ALK: variants seen among roughly 807,000 people sequenced by gnomAD.
ALK encodes ALK receptor tyrosine kinase.
ALK carries 74 observed loss-of-function variants against 163.1 expected under a neutral mutation model. The ratio of observed to expected loss-of-function variants is 0.45; its 90% CI spans 0.38 to 0.55. The LOEUF (loss-of-function observed/expected upper bound fraction) is 0.55. Among genes scored for constraint, ALK ranks in the 20% least tolerant of loss-of-function variants. The pLI is 0.00. For missense variants in ALK, 2,063 were observed against 2,105.3 expected (o/e 0.98, Z 0.39); for synonymous variants, 960 against 843.2 (o/e 1.14, Z -2.40).
Position 29,214,805 on chromosome 2 carries a change from C to T in ALK, c.3646-724G>A, listed in dbSNP as rs558577605. Among the ~76,000 whole-genome samples the T allele has an allele frequency of 3.3e-5, 5 of 152,290 alleles. No homozygotes were observed. In the South Asian group the frequency reaches 8.3e-4, roughly 25 times the overall value. On this transcript the variant is annotated intron_variant, in intron 23 of 28. Coordinates refer to ENST00000389048, the MANE Select transcript of ALK (RefSeq NM_004304.5). The stretch of plus-strand genomic sequence containing the variant: ...TTAATTCCTAAATCCCTGACGTGTG[C>T]GGCAGCTCAGCTTCATGCAGTGTCC...
intron 3 of ALK, among the ~76,000 whole-genome samples, chr2:29,580,502 A>G (rs1329978520): frequency 6.6e-6 from 1 of 152,192 alleles, no homozygotes; most frequent in African/African-American, 2.4e-5. Context: ...CGGTTGACAT[A>G]ACCCCCATTT....
intron 1 of ALK, among the ~76,000 whole-genome samples, chr2:29,829,479 C>A (rs1665302269): frequency 6.6e-6 from 1 of 152,138 alleles, no homozygotes. Context: ...GAGAATGAGA[C>A]TTCCCTTACT....
chr2:29,588,971 C>T (rs193000402), intron 3 of ALK, among the ~76,000 whole-genome samples: 49 of 152,240 alleles, frequency 3.2e-4, no homozygotes, highest in Non-Finnish European at 6.0e-4. Context: ...CGCTCCCCTC[C>T]GGGGGCTGGT....
intron 27 of ALK, 135 bp from the exon 28 acceptor site, chr2:29,196,995 G>C: frequency 1.4e-6 from 1 of 706,198 alleles, no homozygotes; most frequent in Non-Finnish European, 2.5e-6. Context: ...GGCCTATGCT[G>C]CCCCCTGCTG....
chr2:29,529,253 C>T (rs1673051954), intron 4 of ALK, among the ~76,000 whole-genome samples: 1 of 152,206 alleles, frequency 6.6e-6, no homozygotes, highest in African/African-American at 2.4e-5. Flanking sequence ...CCCCAGCCGA[C>T]TTTATTATTA....
chr2:29,235,341 G>A (rs532419924), intron 13 of ALK, among the ~76,000 whole-genome samples: 18 of 152,300 alleles, frequency 1.2e-4, no homozygotes, highest in Admixed American at 7.2e-4. Flanking sequence ...CACTTCTTAC[G>A]CTAAAGCGCT....
At chr2:29,277,641 GA>G (rs1665582270) in intron 9 of ALK, among the ~76,000 whole-genome samples, 1 of 152,228 alleles carries the variant, frequency 6.6e-6, no homozygotes, top group African/African-American at 2.4e-5. Context: ...TATTCCCCAT[GA>G]AGAAGTCTCC....
intron 4 of ALK, among the ~76,000 whole-genome samples, chr2:29,480,230 A>T (rs1183664613): frequency 6.6e-6 from 1 of 152,200 alleles, no homozygotes; most frequent in Non-Finnish European, 1.5e-5. Flanking sequence ...ACCTCAGCAG[A>T]GTGACGTGAG....
At chr2:29,602,493 A>G (rs1305156521) in intron 3 of ALK, among the ~76,000 whole-genome samples, 1 of 152,204 alleles carries the variant, frequency 6.6e-6, no homozygotes, top group African/African-American at 2.4e-5. Context: ...CTCTTAATAT[A>G]TAAAATCTCT....
At chr2:29,468,961 G>C (rs1043243479) in intron 4 of ALK, among the ~76,000 whole-genome samples, 3 of 149,486 alleles carry the variant, frequency 2.0e-5, no homozygotes, top group Admixed American at 2.0e-4. Flanking sequence ...TTGAACTTTT[G>C]CAATCAGACT....
Position 29,193,099 on chromosome 2 carries a change from C to T in ALK, c.*125G>A, listed in dbSNP as rs1321471380. 3 of 1,107,832 alleles carry T rather than the reference C, an allele frequency of 2.7e-6. No homozygotes were observed. Among genetic ancestry groups the T allele is most frequent in the African/African-American group, 3.1e-5 (2 of 64,060 alleles). 68.6% of individuals were successfully genotyped at this position (1,107,832 alleles called of 1,614,324 possible). ...TCAAAATACAGCTTTTTTGGTGGTA[C>T]TTCAAAATAGGTTGGCACAAAACAA... On this transcript the variant is annotated 3_prime_UTR_variant, in exon 29 of 29. Transcript: ENST00000389048.
intron 1 of ALK, among the ~76,000 whole-genome samples, chr2:29,853,564 A>G (rs901866397): frequency 6.6e-6 from 1 of 152,072 alleles, no homozygotes; most frequent in African/African-American, 2.4e-5. Flanking sequence ...CCTCTCAACC[A>G]GCTTCCTTCC....
In ALK at chr2:29,294,763, A is replaced by C. The variant is rs372567724; in HGVS notation, c.1817+2125T>G. Among the ~76,000 whole-genome samples the C allele has an allele frequency of 7.2e-5, 11 of 152,342 alleles. 1 individual carries two copies. The highest frequency in any genetic ancestry group is 2.6e-4 in the African/African-American group (11 of 41,580). ...TACTGATGAGGACACTGAGGCTCAG[A>C]GAGCTTAAGTAATTGGCTGAGGTCA... On this transcript the variant is annotated intron_variant, in intron 9 of 28. Coordinates refer to ENST00000389048, the MANE Select transcript of ALK (RefSeq NM_004304.5).
At chr2:29,458,490 C>T (rs973018109) in intron 4 of ALK, among the ~76,000 whole-genome samples, 2 of 152,158 alleles carry the variant, frequency 1.3e-5, no homozygotes, top group Non-Finnish European at 2.9e-5. Flanking sequence ...GGCTGTCTTT[C>T]ATTTGAGGGA....
chr2:29,261,177 C>G (rs1037187552), intron 11 of ALK, among the ~76,000 whole-genome samples: 3 of 152,160 alleles, frequency 2.0e-5, no homozygotes, highest in African/African-American at 7.2e-5. Flanking sequence ...AGGGGTTCTC[C>G]TGTTCTCAGG....
chr2:29,503,744 C>T (rs1006876740), intron 4 of ALK, among the ~76,000 whole-genome samples: 2 of 152,052 alleles, frequency 1.3e-5, no homozygotes, highest in South Asian at 2.1e-4. Context: ...TGGGGTGAGG[C>T]GTGGCAGAAG....
At chr2:29,242,920 G>A (rs528122589) in intron 12 of ALK, among the ~76,000 whole-genome samples, 1 of 152,318 alleles carries the variant, frequency 6.6e-6, no homozygotes, top group African/African-American at 2.4e-5. Flanking sequence ...CCAGACAAGG[G>A]GCTGGCTTAA....
In ALK at chr2:29,294,035, C is replaced by T. The variant is rs147315798; in HGVS notation, c.1817+2853G>A. Among the ~76,000 whole-genome samples the T allele has an allele frequency of 1.7e-3, 255 of 152,300 alleles. 1 individual carries two copies. The highest frequency in any genetic ancestry group is 6.0e-3 in the African/African-American group (249 of 41,562). On this transcript the variant is annotated intron_variant, in intron 9 of 28. Transcript: ENST00000389048. ...TGGGGAGCTGTCCACAAAGTAGGTG[C>T]TGAATAGCTGAAGCCAGGAGCTGCC...
At chr2:29,422,912 T>C (rs1034529614) in intron 4 of ALK, among the ~76,000 whole-genome samples, 6 of 139,690 alleles carry the variant, frequency 4.3e-5, no homozygotes, top group African/African-American at 1.4e-4. Context: ...ACACTTGATA[T>C]GTTTTTTTTT....
Sources: gnomAD v4.1 joint callset for allele counts (sites outside exome capture counted in the v4.1 genomes callset) on GRCh38, gnomAD v4.1.1 for gene constraint, MANE v1.5 for transcripts, NCBI Gene and HGNC (gene_info 2026-07-23, HGNC 2026-07-21) for gene names.